Variants in DIP2B observed in about 807,000 individuals in gnomAD.
DIP2B encodes DIP2 acetate--CoA ligase B (putative).
In DIP2B, 76 loss-of-function variants were observed where a neutral mutation model predicts 198.0. The observed-to-expected ratio is 0.38, with a 90% CI of 0.32 to 0.46. The LOEUF (loss-of-function observed/expected upper bound fraction) is 0.46, where lower values mean the gene tolerates loss of function less well. DIP2B is among the 20% of genes least tolerant of loss of function. The pLI, the probability that DIP2B is intolerant of heterozygous loss-of-function variation, is 0.99. For synonymous variants in DIP2B, 701 were observed against 739.1 expected (o/e 0.95, Z 0.84); for missense variants, 1,559 against 1,978.4 (o/e 0.79, Z 4.02).
chr12:50,529,815 T>C (rs1386283252), intron 1 of DIP2B, among the ~76,000 whole-genome samples: 2 of 151,660 alleles, frequency 1.3e-5, no homozygotes, highest in African/African-American at 4.8e-5. Flanking sequence ...GCCGAGATCA[T>C]GCCATTGTAC....
At chr12:50,553,565 C>G (rs1958445007) in intron 1 of DIP2B, among the ~76,000 whole-genome samples, 1 of 152,194 alleles carries the variant, frequency 6.6e-6, no homozygotes, top group Non-Finnish European at 1.5e-5. Context: ...ACAGTTTTGT[C>G]TAAACAGGAA....
intron 19 of DIP2B, 96 bp downstream of exon 19, chr12:50,699,298 G>T: frequency 6.5e-7 from 1 of 1,527,598 alleles, no homozygotes; most frequent in South Asian, 1.2e-5. Flanking sequence ...CATAACATGT[G>T]GTTGAGAGTG....
In DIP2B at chr12:50,698,264, A is replaced by G. The variant is rs1442746188; in HGVS notation, c.2049-64A>G. 1.7e-5 allele frequency: 27 copies of G among 1,543,240 alleles called. No homozygotes were observed. In the East Asian group the frequency reaches 3.0e-4, roughly 17 times the overall value. On this transcript the variant is annotated intron_variant, in intron 17 of 37. Transcript: ENST00000301180. ...GTAGCCAGAGGAAATTTGTCTTCCT[A>G]TGTATTTGTATTTTTCCCTTGATGT...
At chr12:50,584,890 G>T (rs1442574686) in intron 1 of DIP2B, among the ~76,000 whole-genome samples, 1 of 152,072 alleles carries the variant, frequency 6.6e-6, no homozygotes, top group Non-Finnish European at 1.5e-5. Flanking sequence ...ATCATCTAAC[G>T]CTTTGCTTAG....
intron 1 of DIP2B, among the ~76,000 whole-genome samples, chr12:50,558,077 C>T (rs896030409): frequency 8.1e-5 from 8 of 98,304 alleles, no homozygotes; most frequent in African/African-American, 1.8e-4. Context: ...TAAATTATCA[C>T]GTTTCAGCTG....
At chr12:50,640,307 T>G (rs1273880258) in intron 2 of DIP2B, among the ~76,000 whole-genome samples, 1 of 152,186 alleles carries the variant, frequency 6.6e-6, no homozygotes, top group Non-Finnish European at 1.5e-5. Flanking sequence ...CTTGAAGCTG[T>G]GCTGCATAAT....
intron 1 of DIP2B, among the ~76,000 whole-genome samples, chr12:50,578,339 T>C (rs1327349298): frequency 2.1e-5 from 3 of 142,882 alleles, no homozygotes; most frequent in African/African-American, 7.5e-5. Flanking sequence ...GTGTTACCCG[T>C]ACATCTTTTT....
In DIP2B at chr12:50,664,830, GTTTTTGTTTTTTT is replaced by G. The variant is rs1565863611; in HGVS notation, c.427+4517_427+4529del. On this transcript the variant is annotated intron_variant, in intron 4 of 37. Transcript: ENST00000301180. The stretch of plus-strand genomic sequence containing the variant: ...CAAGGAGAATTTCCCTCCTTTTTTG[GTTTTTGTTTTTTT>G]TTTTTTTTTTTTTTTTTTTTTTTTT... 1.3e-3 allele frequency among the ~76,000 whole-genome samples: 130 copies of G among 99,644 alleles called. 26 individuals carry two copies. Among genetic ancestry groups the G allele is most frequent in the South Asian group, 8.9e-3 (26 of 2,926 alleles). 65.4% of individuals were successfully genotyped at this position (99,644 alleles called of 152,430 possible). A position where few individuals can be genotyped will look rare whatever the true frequency, so the allele number is the denominator to read the frequency against.
At chr12:50,738,334 A>C (rs1940175133) in intron 35 of DIP2B, among the ~76,000 whole-genome samples, 1 of 151,946 alleles carries the variant, frequency 6.6e-6, no homozygotes. Context: ...AAAAATAATA[A>C]TAATAATAAT....
At chr12:50,610,574 C>A (rs1002100539) in intron 1 of DIP2B, among the ~76,000 whole-genome samples, 8 of 149,234 alleles carry the variant, frequency 5.4e-5, no homozygotes, top group Non-Finnish European at 1.2e-4. Context: ...GGCGCCATCT[C>A]GGCTCACTGC....
At chr12:50,724,371 C>T (rs922172196) in intron 27 of DIP2B, among the ~76,000 whole-genome samples, 3 of 152,164 alleles carry the variant, frequency 2.0e-5, no homozygotes, top group Non-Finnish European at 4.4e-5. Flanking sequence ...TAGTAAGTCT[C>T]ATCATTCACT....
chr12:50,612,847 G>A (rs983901159), intron 1 of DIP2B, among the ~76,000 whole-genome samples: 1 of 152,166 alleles, frequency 6.6e-6, no homozygotes, highest in Non-Finnish European at 1.5e-5. Flanking sequence ...TTGCTAGCCT[G>A]GATCATTGCT....
intron 28 of DIP2B, 46 bp downstream of exon 28, chr12:50,724,932 A>AGGT: frequency 6.5e-7 from 1 of 1,541,014 alleles, no homozygotes; most frequent in South Asian, 1.1e-5. Context: ...GAGAGCTCAC[A>AGGT]ATACCTGAGA....
chr12:50,704,449 C>T (rs1379486536), intron 20 of DIP2B, among the ~76,000 whole-genome samples: 3 of 151,850 alleles, frequency 2.0e-5, no homozygotes, highest in African/African-American at 7.3e-5. Context: ...TCTTTTTTTC[C>T]CCGCTGAGAT....
intron 1 of DIP2B, among the ~76,000 whole-genome samples, chr12:50,588,754 A>G (rs1958792396): frequency 6.6e-6 from 1 of 152,190 alleles, no homozygotes; most frequent in African/African-American, 2.4e-5. Flanking sequence ...TTTCTGTAGA[A>G]CATTATAAAT....
chr12:50,647,951 C>A (rs545022902), intron 3 of DIP2B, among the ~76,000 whole-genome samples: 1 of 152,074 alleles, frequency 6.6e-6, no homozygotes, highest in Non-Finnish European at 1.5e-5. Flanking sequence ...ACTAAAAATA[C>A]AAAAATTAGC....
chr12:50,540,649 C>T (rs112919024), intron 1 of DIP2B, among the ~76,000 whole-genome samples: 41,322 of 150,202 alleles, frequency 0.28, 6,375 homozygotes, highest in Non-Finnish European at 0.35. Flanking sequence ...CCCGGATTCA[C>T]GCCATTCTCC....
At position 50,685,889 on chromosome 12, in the gene DIP2B, T is replaced by C. The variant is rs762839407; in HGVS notation, c.1374T>C (p.Ala458=). The part of the protein sequence containing the change: ...FLLGSCGIAL[A]LTSEVCLKGL... ...TAGGAAGCTGTGGTATTGCCTTAGC[T>C]CTTACCAGTGAAGTTTGTCTAAAAG... is the stretch of plus-strand genomic sequence containing the variant. The change falls in exon 11 of 38, where the codon GCT becomes GCC. Residue 458 remains alanine (A), a synonymous_variant. Transcript: ENST00000301180. 6 of 1,614,058 alleles carry C rather than the reference T, an allele frequency of 3.7e-6. No homozygotes were observed. Among genetic ancestry groups the C allele is most frequent in the Non-Finnish European group, 4.2e-6 (5 of 1,179,910 alleles).
At position 50,746,782 on chromosome 12, in the gene DIP2B, T is replaced by C. The variant is rs1940346685; in HGVS notation, c.*1943T>C. 1 of 152,216 alleles carries C rather than the reference T, an allele frequency of 6.6e-6. No individual in the cohort carries two copies. The highest frequency in any genetic ancestry group is 2.4e-5 in the African/African-American group (1 of 41,450). The allele number at this position is 152,216 out of a possible 1,614,324, so 9.4% of individuals were successfully genotyped here. A position where few individuals can be genotyped will look rare whatever the true frequency, so the allele number is the denominator to read the frequency against. On this transcript the variant is annotated 3_prime_UTR_variant, in exon 38 of 38. Coordinates refer to ENST00000301180, the MANE Select transcript of DIP2B (RefSeq NM_173602.3). ...ATTTTCTTAAAACTATTTTTAATGA[T>C]CCACTAAACAAAGCAGGGGATCCTG...
Sources: gnomAD v4.1 joint callset for allele counts (sites outside exome capture counted in the v4.1 genomes callset) on GRCh38, gnomAD v4.1.1 for gene constraint, MANE v1.5 for transcripts, NCBI Gene and HGNC (gene_info 2026-07-23, HGNC 2026-07-21) for gene names.